Variants in PCSK5 observed in about 807,000 individuals in gnomAD.
PCSK5 encodes proprotein convertase subtilisin/kexin type 5.
PCSK5 carries 129 observed loss-of-function variants against 233.2 expected under a neutral mutation model. The observed-to-expected ratio is 0.55, with a 90% confidence interval of 0.48 to 0.64. The LOEUF (loss-of-function observed/expected upper bound fraction) is 0.64. PCSK5 is among the 30% of genes least tolerant of loss of function. PCSK5 has a pLI of 0.00. For missense variants in PCSK5, 2,076 were observed against 2,430.1 expected, an observed-to-expected ratio of 0.85 and a Z score of 3.06; for synonymous variants, 825 against 879.2, an observed-to-expected ratio of 0.94 and a Z score of 1.09.
intron 8 of PCSK5, among the ~76,000 whole-genome samples, chr9:76,106,786 A>G (rs963720910): frequency 1.3e-5 from 2 of 152,192 alleles, no homozygotes; most frequent in African/African-American, 4.8e-5. Flanking sequence ...CCCCAAGGTA[A>G]CAGTTCTAGG....
At chr9:76,075,846 C>T (rs947216644) in intron 7 of PCSK5, among the ~76,000 whole-genome samples, 1 of 152,192 alleles carries the variant, frequency 6.6e-6, no homozygotes, top group Non-Finnish European at 1.5e-5. Context: ...TCATATTAAG[C>T]TTAGCGAGCT....
intron 14 of PCSK5, 115 bp from the exon 15 acceptor site, chr9:76,179,481 A>T: frequency 1.5e-6 from 1 of 664,984 alleles, no homozygotes; most frequent in Non-Finnish European, 2.6e-6. Flanking sequence ...CCTCTGTCTT[A>T]AAGAAACTCT....
At chr9:76,265,090 A>T (rs180878426) in intron 24 of PCSK5, among the ~76,000 whole-genome samples, 1 of 152,276 alleles carries the variant, frequency 6.6e-6, no homozygotes, top group African/African-American at 2.4e-5. Flanking sequence ...AAAAGAAAAA[A>T]TTATGTCCTT....
intron 5 of PCSK5, among the ~76,000 whole-genome samples, chr9:76,056,876 G>A (rs192620125): frequency 5.3e-5 from 8 of 152,234 alleles, no homozygotes; most frequent in Admixed American, 3.3e-4. Context: ...TCATTGGTCT[G>A]TAGATCAATT....
At chr9:75,970,662 C>T (rs921407754) in intron 2 of PCSK5, among the ~76,000 whole-genome samples, 1 of 151,916 alleles carries the variant, frequency 6.6e-6, no homozygotes, top group African/African-American at 2.4e-5. Flanking sequence ...CACTCTGTTG[C>T]CCAGACTGGA....
chr9:76,126,167 CTGCGTGTG>C (rs1200947406), intron 9 of PCSK5, among the ~76,000 whole-genome samples: 2 of 61,506 alleles, frequency 3.3e-5, no homozygotes, highest in Non-Finnish European at 6.6e-5. Context: ...TGATTTTTTC[CTGCGTGTG>C]TGTGTATGTG....
At position 76,158,055 on chromosome 9, in the gene PCSK5, G is replaced by A. The variant is rs577564122; in HGVS notation, c.1430+893G>A. On this transcript the variant is annotated intron_variant, in intron 11 of 37. Transcript: ENST00000674117. ...AGTAACTATTTTTCTCGCACTTACT[G>A]AATATCAAGCACTGAGCAAAACATT... is the stretch of plus-strand genomic sequence containing the variant. 2.7e-5 allele frequency among the ~76,000 whole-genome samples: 4 copies of A among 150,528 alleles called. No homozygotes were observed. The East Asian group carries it at 8.4e-4, about 31-fold the overall frequency.
chr9:76,106,625 C>T (rs892423370), intron 8 of PCSK5, among the ~76,000 whole-genome samples: 9 of 152,210 alleles, frequency 5.9e-5, no homozygotes, highest in African/African-American at 1.9e-4. Flanking sequence ...ATATCAAGTA[C>T]ACTGGCTTCA....
intron 3 of PCSK5, among the ~76,000 whole-genome samples, chr9:75,990,657 G>A (rs1826727709): frequency 6.6e-6 from 1 of 152,180 alleles, no homozygotes; most frequent in South Asian, 2.1e-4. Context: ...AATAAAGCAG[G>A]GGAGTAATAT....
intron 3 of PCSK5, among the ~76,000 whole-genome samples, chr9:76,008,380 C>T (rs148003636): frequency 6.6e-6 from 1 of 151,878 alleles, no homozygotes; most frequent in African/African-American, 2.4e-5. Flanking sequence ...AGATGGCTTT[C>T]ATTATCCTAT....
intron 24 of PCSK5, among the ~76,000 whole-genome samples, chr9:76,250,424 A>G (rs1399670501): frequency 6.6e-6 from 1 of 152,226 alleles, no homozygotes; most frequent in Admixed American, 6.5e-5. Context: ...GACAAACACT[A>G]CGTCATACAT....
At chr9:75,913,314 T>C (rs1016873302) in intron 1 of PCSK5, among the ~76,000 whole-genome samples, 4 of 152,242 alleles carry the variant, frequency 2.6e-5, no homozygotes, top group African/African-American at 9.6e-5. Context: ...CTATTGCATT[T>C]TGATGCGTCG....
chr9:76,329,136 T>G (rs1021900784), intron 33 of PCSK5, among the ~76,000 whole-genome samples: 3 of 150,804 alleles, frequency 2.0e-5, no homozygotes, highest in Middle Eastern at 3.5e-3. Context: ...TGTTTGTTTG[T>G]TTTTTGTTTT....
At chr9:76,083,419 T>C (rs909954443) in intron 7 of PCSK5, among the ~76,000 whole-genome samples, 5 of 152,134 alleles carry the variant, frequency 3.3e-5, no homozygotes, top group Non-Finnish European at 5.9e-5. Flanking sequence ...TCTTCGGCTT[T>C]AGTAATACCA....
At chr9:76,140,435 G>GCTTT (rs1482789507) in intron 10 of PCSK5, among the ~76,000 whole-genome samples, 1 of 151,980 alleles carries the variant, frequency 6.6e-6, no homozygotes, top group Non-Finnish European at 1.5e-5. Context: ...AATGAAAAGT[G>GCTTT]CTTTGAAAAT....
At chr9:75,948,447 T>G (rs1471579121) in intron 2 of PCSK5, among the ~76,000 whole-genome samples, 1 of 151,952 alleles carries the variant, frequency 6.6e-6, no homozygotes, top group Non-Finnish European at 1.5e-5. Context: ...CTTAGAATGA[T>G]GGTTTCCAGC....
At chr9:75,893,321 T>C (rs1283903625) in intron 1 of PCSK5, among the ~76,000 whole-genome samples, 6 of 152,164 alleles carry the variant, frequency 3.9e-5, no homozygotes, top group African/African-American at 1.4e-4. Flanking sequence ...TCAGACCTGC[T>C]ACTCTGACTG....
chr9:76,044,925 A>T (rs934772589), intron 5 of PCSK5, among the ~76,000 whole-genome samples: 7 of 152,210 alleles, frequency 4.6e-5, no homozygotes, highest in Non-Finnish European at 1.0e-4. Flanking sequence ...TAGTCTATTT[A>T]AAGTCTGATT....
chr9:76,112,681 C>T (rs983427012), intron 9 of PCSK5, among the ~76,000 whole-genome samples: 1 of 152,022 alleles, frequency 6.6e-6, no homozygotes, highest in African/African-American at 2.4e-5. Flanking sequence ...TCATACTAGG[C>T]ACTAAGTTAC....
Sources: gnomAD v4.1 joint callset for allele counts (sites outside exome capture counted in the v4.1 genomes callset) on GRCh38, gnomAD v4.1.1 for gene constraint, MANE v1.5 for transcripts, NCBI Gene and HGNC (gene_info 2026-07-23, HGNC 2026-07-21) for gene names.